The following SH3BP5 variants were observed in gnomAD, a reference collection of about 807,000 sequenced individuals.
SH3BP5 encodes SH3 domain binding protein 5.
Under a neutral mutation model 43.3 loss-of-function variants are expected in SH3BP5, and 22 were observed. The observed-to-expected ratio is 0.51, with a 90% CI of 0.36 to 0.73. SH3BP5 has a LOEUF of 0.73. Among genes scored for constraint, SH3BP5 ranks in the 30% least tolerant of loss-of-function variants. The probability of loss-of-function intolerance (pLI) is 0.00; values close to 1 mark genes in which losing one functional copy is unlikely to be tolerated. For synonymous variants in SH3BP5, 255 were observed against 225.8 expected, an observed-to-expected ratio of 1.13 and a Z score of -1.16; for missense variants, 529 against 586.9, an observed-to-expected ratio of 0.90 and a Z score of 1.02.
chr3:15,320,241 T>G (rs750532011), intron 2 of SH3BP5, among the ~76,000 whole-genome samples: 18 of 152,150 alleles, frequency 1.2e-4, no homozygotes, highest in Non-Finnish European at 2.1e-4. Flanking sequence ...ACAGCGGATA[T>G]TCCTCTCATT....
intron 3 of SH3BP5, among the ~76,000 whole-genome samples, chr3:15,290,836 A>G (rs556907561): frequency 6.6e-6 from 1 of 152,316 alleles, no homozygotes; most frequent in African/African-American, 2.4e-5. Context: ...TGCCCATGAA[A>G]GTTTTAAATG....
intron 4 of SH3BP5, among the ~76,000 whole-genome samples, chr3:15,269,030 G>A (rs1174389850): frequency 6.6e-6 from 1 of 152,112 alleles, no homozygotes; most frequent in African/African-American, 2.4e-5. Context: ...CCCTGTTTAT[G>A]GTATTTTGTT....
chr3:15,294,421 CTCCTCCCTTCCATCCTCCTTTCT>C (rs1441199079), intron 3 of SH3BP5, among the ~76,000 whole-genome samples: 1 of 151,824 alleles, frequency 6.6e-6, no homozygotes, highest in African/African-American at 2.4e-5. Flanking sequence ...ACTCTTCTTC[CTCCTCCCTTCCATCCTCCTTTCT>C]TCCTCCCTTC....
chr3:15,273,046 G>A (rs372034110), intron 3 of SH3BP5: 211 of 778,578 alleles, frequency 2.7e-4, no homozygotes, highest in Non-Finnish European at 3.2e-4. Flanking sequence ...TGCTGGGAAC[G>A]AGAGGAAGCA....
chr3:15,325,026 T>C (rs765341281), intron 2 of SH3BP5, among the ~76,000 whole-genome samples: 38 of 152,134 alleles, frequency 2.5e-4, no homozygotes, highest in Non-Finnish European at 4.6e-4. Context: ...CCACCTGACC[T>C]GAGCAATGAG....
At position 15,322,245 on chromosome 3, in the gene SH3BP5, G is replaced by A. The variant is rs111730830; in HGVS notation, c.201+8259C>T. On this transcript the variant is annotated intron_variant, in intron 2 of 8. Coordinates refer to ENST00000383791, the MANE Select transcript of SH3BP5 (RefSeq NM_004844.5). ...CTATGTTAGGCCTGTCTTCTCATATGCATATATTCTTTTACTATATATATG... is the reference window on the plus strand; with the variant it reads ...CTATGTTAGGCCTGTCTTCTCATATACATATATTCTTTTACTATATATATG... 9.0e-4 allele frequency among the ~76,000 whole-genome samples: 137 copies of A among 151,826 alleles called. 2 individuals are homozygous for A. Among genetic ancestry groups the A allele is most frequent in the African/African-American group, 3.1e-3 (129 of 41,408 alleles).
chr3:15,262,129 G>A lies in SH3BP5; in HGVS notation c.626+30C>T, dbSNP rs757656011. The A allele has an allele frequency of 8.1e-6, 13 of 1,612,038 alleles. No individual in the cohort carries two copies. The East Asian group carries it at 1.8e-4, about 22-fold the overall frequency. ...AAGATGCAGACTAGGACAGCCGCAC[G>A]GCCCCAGGGAAGGCCCTGTCCAGAC... On this transcript the variant is annotated intron_variant, in intron 5 of 8. Transcript: ENST00000383791.
rs564368143 is a variant in SH3BP5, at chr3:15,266,372, T to C, written c.495+3341A>G. Among the ~76,000 whole-genome samples the C allele has an allele frequency of 3.5e-4, 53 of 152,278 alleles. No homozygotes were observed. In the South Asian group the frequency reaches 7.7e-3, roughly 22 times the overall value. ...GGAGAAGGGCTGGCCCTGCGTCGTGTCCTCTCCAGCAGCCACCTGGGGCTA... is the reference window on the plus strand; with the variant it reads ...GGAGAAGGGCTGGCCCTGCGTCGTGCCCTCTCCAGCAGCCACCTGGGGCTA... On this transcript the variant is annotated intron_variant, in intron 4 of 8. Coordinates refer to ENST00000383791, the MANE Select transcript of SH3BP5 (RefSeq NM_004844.5).
chr3:15,337,654 C>T (rs1309380891), intron 1 of SH3BP5, among the ~76,000 whole-genome samples: 1 of 151,970 alleles, frequency 6.6e-6, no homozygotes, highest in African/African-American at 2.4e-5. Flanking sequence ...ACCTGTAATC[C>T]CAGCACTTTG....
intron 2 of SH3BP5, among the ~76,000 whole-genome samples, chr3:15,326,342 C>T (rs991464015): frequency 1.3e-4 from 20 of 152,158 alleles, no homozygotes; most frequent in African/African-American, 4.8e-4. Context: ...GCCTCAGGAG[C>T]AACACCTCAG....
In SH3BP5 at chr3:15,269,930, T is replaced by C. The variant is rs1037298489; in HGVS notation, c.331-53A>G. ...CTCAGAAAATGGCAGGGGCTCCCCA[T>C]GGTCCATTTTACCTTTCAAAAAATA... On this transcript the variant is annotated intron_variant, in intron 3 of 8. Transcript: ENST00000383791. 137 of 1,426,594 alleles carry C rather than the reference T, an allele frequency of 9.6e-5. No individual in the cohort carries two copies. In the Middle Eastern group the frequency reaches 1.1e-3, roughly 11 times the overall value. 88.4% of individuals were successfully genotyped at this position (1,426,594 alleles called of 1,614,324 possible). A position where few individuals can be genotyped will look rare whatever the true frequency, so the allele number is the denominator to read the frequency against.
rs187059190 is a variant in SH3BP5 at position 15,280,955 on chromosome 3, T to G, written c.331-11078A>C. ...CGAACCTGGTCATTGCCTGACATTG[T>G]GAGGGAGTGGAGAGCCCTGCTTTAT... is the stretch of plus-strand genomic sequence containing the variant. On this transcript the variant is annotated intron_variant, in intron 3 of 8. Transcript: ENST00000383791. Among the ~76,000 whole-genome samples the G allele has an allele frequency of 3.0e-3, 451 of 152,342 alleles. 2 individuals are homozygous for G. The highest frequency in any genetic ancestry group is 0.017 in the South Asian group (83 of 4,826).
At chr3:15,260,867 T>C (rs1451072973) in intron 5 of SH3BP5, among the ~76,000 whole-genome samples, 1 of 152,194 alleles carries the variant, frequency 6.6e-6, no homozygotes, top group African/African-American at 2.4e-5. Context: ...CCCTGTACTC[T>C]TCTCGGAGTC....
At chr3:15,257,582 C>G in intron 7 of SH3BP5, 1 of 155,070 alleles carries the variant, frequency 6.4e-6, no homozygotes, top group East Asian at 1.9e-4. Context: ...CATGGAACAT[C>G]TGTTGGGACC....
Position 15,255,885 on chromosome 3 carries a change from A to C in SH3BP5, c.*201T>G, listed in dbSNP as rs1202087649. On this transcript the variant is annotated 3_prime_UTR_variant, in exon 9 of 9. Coordinates refer to ENST00000383791, the MANE Select transcript of SH3BP5 (RefSeq NM_004844.5). ...TGAACCTAGTCACAGTCTACCCACA[A>C]CAAGAACTCTGCTCTGAAAAACCAG... The C allele has an allele frequency of 1.7e-6, 1 of 580,332 alleles. No homozygotes were observed. The allele number at this position is 580,332 out of a possible 1,614,324, so 35.9% of individuals were successfully genotyped here. A position where few individuals can be genotyped will look rare whatever the true frequency, so the allele number is the denominator to read the frequency against.
intron 4 of SH3BP5, among the ~76,000 whole-genome samples, chr3:15,265,213 TATAC>T (rs1696589425): frequency 6.6e-6 from 1 of 152,008 alleles, no homozygotes; most frequent in East Asian, 1.9e-4. Context: ...TTCTCATATA[TATAC>T]AAAACCTCCA....
At chr3:15,313,830 G>A (rs773994784) in intron 2 of SH3BP5, among the ~76,000 whole-genome samples, 31 of 152,046 alleles carry the variant, frequency 2.0e-4, no homozygotes, top group Non-Finnish European at 4.1e-4. Flanking sequence ...GGCCAGGCAC[G>A]GTGGCTTACA....
intron 2 of SH3BP5, among the ~76,000 whole-genome samples, chr3:15,320,739 C>T (rs6763735): frequency 0.47 from 72,007 of 151,830 alleles, 18,180 homozygotes; most frequent in African/African-American, 0.65. Flanking sequence ...CTCTGTCAAC[C>T]TGGGGATTTG....
intron 7 of SH3BP5, 82 bp from the exon 8 acceptor site, chr3:15,257,195 GAC>G: frequency 1.4e-6 from 2 of 1,415,476 alleles, no homozygotes; most frequent in African/African-American, 1.5e-5. Context: ...CAGGCAGCTA[GAC>G]ACAGCATGGG....
Sources: allele counts gnomAD v4.1 joint callset (sites outside exome capture counted in the v4.1 genomes callset), GRCh38; gene constraint gnomAD v4.1.1; transcripts MANE v1.5; gene names NCBI Gene and HGNC (gene_info 2026-07-23, HGNC 2026-07-21).